The following RASGEF1A variants were observed in gnomAD, a reference collection of about 807,000 sequenced individuals.
The protein encoded by RASGEF1A is ras-GEF domain-containing family member 1A.
In RASGEF1A, 18 loss-of-function variants were observed where a neutral mutation model predicts 56.4. The ratio of observed to expected loss-of-function variants is 0.32; its 90% CI spans 0.22 to 0.47. The LOEUF (loss-of-function observed/expected upper bound fraction) is 0.47. Among genes scored for constraint, RASGEF1A ranks in the 20% least tolerant of loss-of-function variants. The pLI, the probability that RASGEF1A is intolerant of heterozygous loss-of-function variation, is 1.00. For synonymous variants in RASGEF1A, 245 were observed against 242.6 expected (o/e 1.01, Z -0.09); for missense variants, 422 against 627.1 (o/e 0.67, Z 3.49).
At chr10:43,205,876 G>C (rs1781967342) in intron 2 of RASGEF1A, 43 bp downstream of exon 2, 1 of 1,506,492 alleles carries the variant, frequency 6.6e-7, no homozygotes, top group African/African-American at 1.4e-5. Flanking sequence ...CTGGAGCCCA[G>C]GTCACCCCAT....
At chr10:43,218,623 C>T (rs1242651436) in intron 1 of RASGEF1A, among the ~76,000 whole-genome samples, 4 of 152,274 alleles carry the variant, frequency 2.6e-5, no homozygotes, top group African/African-American at 7.2e-5. Context: ...GCAGGGGCCA[C>T]GCTGTTTCAC....
chr10:43,198,225 T>TCACAGCCC lies in RASGEF1A; in HGVS notation c.1033-38_1033-31dup, dbSNP rs764100260. 5.7e-6 allele frequency: 9 copies of TCACAGCCC among 1,580,210 alleles called. No individual in the cohort carries two copies. In the South Asian group the frequency reaches 8.0e-5, roughly 14 times the overall value. ...GGGCACAGGGAGGACCTGGTGAGCA[T>TCACAGCCC]CACAGCCCCATGCCCCTCCGACCTG... On this transcript the variant is annotated intron_variant, in intron 9 of 12. Transcript: ENST00000395810.
intron 1 of RASGEF1A, among the ~76,000 whole-genome samples, chr10:43,245,903 C>T (rs1181829028): frequency 2.0e-5 from 3 of 152,106 alleles, no homozygotes; most frequent in East Asian, 1.9e-4. Flanking sequence ...TCTGGAGGTT[C>T]TGGCCTCGGC....
intron 1 of RASGEF1A, among the ~76,000 whole-genome samples, chr10:43,217,367 C>A (rs1004521814): frequency 6.6e-6 from 1 of 152,230 alleles, no homozygotes; most frequent in African/African-American, 2.4e-5. Flanking sequence ...CCTCTTCCCA[C>A]GCCAGGGCTA....
chr10:43,218,139 C>T (rs1177918418), intron 1 of RASGEF1A, among the ~76,000 whole-genome samples: 1 of 152,214 alleles, frequency 6.6e-6, no homozygotes, highest in Non-Finnish European at 1.5e-5. Context: ...GGCTCAATGC[C>T]TGGTGGGTTC....
intron 7 of RASGEF1A, 92 bp downstream of exon 7, chr10:43,199,584 A>T: frequency 1.9e-6 from 2 of 1,042,536 alleles, no homozygotes; most frequent in Non-Finnish European, 2.9e-6. Flanking sequence ...ATTCACTCTT[A>T]AAGTTCCATC....
At chr10:43,232,240 G>A (rs963905799) in intron 1 of RASGEF1A, among the ~76,000 whole-genome samples, 1 of 152,294 alleles carries the variant, frequency 6.6e-6, no homozygotes, top group African/African-American at 2.4e-5. Flanking sequence ...CCATCCCCTC[G>A]GTGCTATTCT....
At chr10:43,230,316 G>T (rs1840349029) in intron 1 of RASGEF1A, among the ~76,000 whole-genome samples, 2 of 152,194 alleles carry the variant, frequency 1.3e-5, no homozygotes, top group South Asian at 4.1e-4. Context: ...AGCTGCTTTT[G>T]TGGGAGGGCT....
Position 43,203,385 on chromosome 10 carries a change from C to A in RASGEF1A, c.234G>T (p.Arg78=). 6.3e-7 allele frequency: 1 copy of A among 1,586,846 alleles called. No individual in the cohort carries two copies. Among genetic ancestry groups the A allele is most frequent in the Non-Finnish European group, 8.6e-7 (1 of 1,166,768 alleles). The change falls in exon 3 of 13, where the codon CGG becomes CGT. Residue 78 remains arginine (R), a synonymous_variant. Coordinates refer to ENST00000395810, the MANE Select transcript of RASGEF1A (RefSeq NM_145313.4). ...GCAGGTCATGAGGGGGCATAAAGACCCGGGAGCTCAGGAGAAAGGTGAAGA... is the reference window on the plus strand; with the variant it reads ...GCAGGTCATGAGGGGGCATAAAGACACGGGAGCTCAGGAGAAAGGTGAAGA... ...TYIFTFLLSS[R]VFMPPHDLLA... is the part of the protein sequence containing the mutation.
At chr10:43,200,283 G>A (rs1292675238) in intron 5 of RASGEF1A, 27 bp from the exon 6 acceptor site, 5 of 1,567,858 alleles carry the variant, frequency 3.2e-6, no homozygotes, top group East Asian at 2.3e-5. Flanking sequence ...CAAAGGGAAG[G>A]TGACAAGCTT....
At chr10:43,212,185 C>T (rs1001248074) in intron 1 of RASGEF1A, among the ~76,000 whole-genome samples, 1 of 152,178 alleles carries the variant, frequency 6.6e-6, no homozygotes, top group Non-Finnish European at 1.5e-5. Context: ...AGAAGTTTCA[C>T]AGAGCCTCCC....
At chr10:43,255,067 G>T (rs1033173247) in intron 1 of RASGEF1A, among the ~76,000 whole-genome samples, 3 of 152,284 alleles carry the variant, frequency 2.0e-5, no homozygotes, top group African/African-American at 7.2e-5. Context: ...GCACCTCCGG[G>T]AAGCCCCAGC....
intron 1 of RASGEF1A, among the ~76,000 whole-genome samples, chr10:43,251,940 C>A (rs904866086): frequency 6.6e-6 from 1 of 152,194 alleles, no homozygotes; most frequent in Non-Finnish European, 1.5e-5. Context: ...CCCAACAAGA[C>A]GGACCCCTGG....
At chr10:43,228,173 C>G (rs191315230) in intron 1 of RASGEF1A, among the ~76,000 whole-genome samples, 25 of 152,322 alleles carry the variant, frequency 1.6e-4, no homozygotes, top group African/African-American at 5.8e-4. Context: ...GCCCCAGTCT[C>G]CAATCTGGCC....
chr10:43,259,488 T>C (rs959891787), intron 1 of RASGEF1A, among the ~76,000 whole-genome samples: 2 of 152,182 alleles, frequency 1.3e-5, no homozygotes, highest in African/African-American at 2.4e-5. Flanking sequence ...GTGGGGTCAG[T>C]TGACACTCCG....
rs991789360 is a variant in RASGEF1A, at chr10:43,195,532, CT to C, written c.*711del. On this transcript the variant is annotated 3_prime_UTR_variant, in exon 13 of 13. Transcript: ENST00000395810. The surrounding 1 kb of genome is among the most constrained non-coding windows in gnomAD (Gnocchi z 4.2). The stretch of plus-strand genomic sequence containing the variant: ...CCCTTACCTTATTTTAGATTTCCTC[CT>C]TTCTAAAATGTAGTTGAAGAATGAT... 6.6e-6 allele frequency: 1 copy of C among 152,478 alleles called. No individual in the cohort carries two copies. Among genetic ancestry groups the C allele is most frequent in the Non-Finnish European group, 1.5e-5 (1 of 68,042 alleles). 9.4% of individuals were successfully genotyped at this position (152,478 alleles called of 1,614,324 possible). A position where few individuals can be genotyped will look rare whatever the true frequency, so the allele number is the denominator to read the frequency against.
chr10:43,203,305 G>A lies in RASGEF1A; in HGVS notation c.314C>T (p.Pro105Leu), dbSNP rs1188610249. The change falls in exon 3 of 13, where the codon CCT (proline) becomes CTT (leucine). Residue 105 changes from proline to leucine, a missense_variant. Around this residue, in one of 2 missense-constraint regions of RASGEF1A, gnomAD observed 273 missense variants for 339.9 expected, o/e 0.80. Coordinates refer to ENST00000395810, the MANE Select transcript of RASGEF1A (RefSeq NM_145313.4). ...VEQKQQLEAG[P>L]EKAKLKSFSA... The stretch of plus-strand genomic sequence containing the variant: ...AGCCAGGCCCCGCCTCACCTTTTCA[G>A]GCCCGGCTTCCAGCTGCTGCTTCTG... The A allele has an allele frequency of 6.4e-7, 1 of 1,556,200 alleles. No individual in the cohort carries two copies. The highest frequency in any genetic ancestry group is 8.7e-7 in the Non-Finnish European group (1 of 1,150,798).
intron 1 of RASGEF1A, among the ~76,000 whole-genome samples, chr10:43,212,793 G>A (rs1389628816): frequency 6.6e-6 from 1 of 152,196 alleles, no homozygotes; most frequent in Non-Finnish European, 1.5e-5. Flanking sequence ...ACACCTCAGG[G>A]GAGAGGCACT....
At chr10:43,262,892 G>C (rs1237533730) in intron 1 of RASGEF1A, among the ~76,000 whole-genome samples, 1 of 152,194 alleles carries the variant, frequency 6.6e-6, no homozygotes, top group Non-Finnish European at 1.5e-5. Context: ...AGGCAGAAGG[G>C]GCAGAAGAGA....
Sources: allele counts gnomAD v4.1 joint callset (sites outside exome capture counted in the v4.1 genomes callset), GRCh38; gene constraint gnomAD v4.1.1; regional missense constraint gnomAD v4.1.1; non-coding constraint Gnocchi (gnomAD v3.1); transcripts MANE v1.5; gene names NCBI Gene and HGNC (gene_info 2026-07-23, HGNC 2026-07-21).